The following EAF1 variants were observed in gnomAD, a reference collection of about 807,000 sequenced individuals.
The protein encoded by EAF1 is ELL-associated factor 1.
In EAF1, 19 loss-of-function variants were observed where a neutral mutation model predicts 26.6. That is an observed-to-expected ratio of 0.71 (90% confidence interval 0.50 to 1.05). The LOEUF (loss-of-function observed/expected upper bound fraction) is 1.05. Among genes scored for constraint, EAF1 ranks in the 50% least tolerant of loss-of-function variants. The pLI, the probability that EAF1 is intolerant of heterozygous loss-of-function variation, is 0.00. For missense variants in EAF1, 260 were observed against 335.5 expected, an observed-to-expected ratio of 0.78 and a Z score of 1.76; for synonymous variants, 102 against 120.6, an observed-to-expected ratio of 0.85 and a Z score of 1.01.
In EAF1 at chr3:15,442,400, G is replaced by C. The variant is rs1453611213; in HGVS notation, c.*3245G>C. 1 of 152,536 alleles carries C rather than the reference G, an allele frequency of 6.6e-6. No homozygotes were observed. 9.4% of individuals were successfully genotyped at this position (152,536 alleles called of 1,614,324 possible). A position where few individuals can be genotyped will look rare whatever the true frequency, so the allele number is the denominator to read the frequency against. ...GAAGACAAGACCAATTGAAGAGTTA[G>C]GAAATGTGAGTTTTTGTTACTTCTG... On this transcript the variant is annotated 3_prime_UTR_variant, in exon 6 of 6. Coordinates refer to ENST00000396842, the MANE Select transcript of EAF1 (RefSeq NM_033083.7).
rs1367934961 is a variant in EAF1, at chr3:15,441,947, G to GA, written c.*2792_*2793insA. Reference sequence around the variant, plus strand: ...TGCTGTACAATGTCTACTGTACTGTGGGTCATTTAGATGAGATGAAAAACT... The same window carrying GA: ...TGCTGTACAATGTCTACTGTACTGTGAGGTCATTTAGATGAGATGAAAAACT... On this transcript the variant is annotated 3_prime_UTR_variant, in exon 6 of 6. Coordinates refer to ENST00000396842, the MANE Select transcript of EAF1 (RefSeq NM_033083.7). 1 of 152,544 alleles carries GA rather than the reference G, an allele frequency of 6.6e-6. No homozygotes were observed. Among genetic ancestry groups the GA allele is most frequent in the African/African-American group, 2.4e-5 (1 of 41,424 alleles). 9.4% of individuals were successfully genotyped at this position (152,544 alleles called of 1,614,324 possible). A position where few individuals can be genotyped will look rare whatever the true frequency, so the allele number is the denominator to read the frequency against.
chr3:15,428,887 G>A (rs1160477214), intron 1 of EAF1, among the ~76,000 whole-genome samples: 2 of 152,208 alleles, frequency 1.3e-5, no homozygotes, highest in African/African-American at 4.8e-5. Flanking sequence ...CCATCTTTGT[G>A]TAGTCACTTG....
At chr3:15,429,547 A>G (rs1341611422) in intron 1 of EAF1, among the ~76,000 whole-genome samples, 1 of 152,096 alleles carries the variant, frequency 6.6e-6, no homozygotes, top group Non-Finnish European at 1.5e-5. Flanking sequence ...TGATGAGACA[A>G]TTTTCCTCTC....
Position 15,440,999 on chromosome 3 carries a change from C to T in EAF1, c.*1844C>T, listed in dbSNP as rs927418896. On this transcript the variant is annotated 3_prime_UTR_variant, in exon 6 of 6. Coordinates refer to ENST00000396842, the MANE Select transcript of EAF1 (RefSeq NM_033083.7). ...TCTATTTAAGCCTCTCTCTCTTTCT[C>T]TCCTCCCCAACTTTTTTCTGAAAGC... The T allele has an allele frequency of 1.3e-5, 2 of 152,592 alleles. No homozygotes were observed. Among genetic ancestry groups the T allele is most frequent in the Non-Finnish European group, 2.9e-5 (2 of 68,036 alleles). 9.5% of individuals were successfully genotyped at this position (152,592 alleles called of 1,614,324 possible). A position where few individuals can be genotyped will look rare whatever the true frequency, so the allele number is the denominator to read the frequency against.
intron 5 of EAF1, 109 bp downstream of exon 5, chr3:15,436,684 C>G (rs1176811518): frequency 1.1e-6 from 1 of 936,066 alleles, no homozygotes; most frequent in African/African-American, 1.6e-5. Context: ...GGGAGAGGAT[C>G]TTGTTAAAAA....
rs1464644142 is a variant in EAF1, at chr3:15,436,408, C to CA, written c.593_594insA (p.Glu199Ter). 1.9e-6 allele frequency: 3 copies of CA among 1,613,898 alleles called. No homozygotes were observed. The highest frequency in any genetic ancestry group is 2.5e-6 in the Non-Finnish European group (3 of 1,179,874). ...AGCAGTGGGAGCAGCTCTTCAGACT[C>CA]TGAGAGCTCTTCGGGAAGTGATGAC... On this transcript the variant is annotated frameshift_variant, in exon 5 of 6. Coordinates refer to ENST00000396842, the MANE Select transcript of EAF1 (RefSeq NM_033083.7). LOFTEE classifies it high-confidence loss of function.
At chr3:15,439,077 T>G (rs370716060) in intron 5 of EAF1, 32 bp from the exon 6 acceptor site, 1 of 1,585,214 alleles carries the variant, frequency 6.3e-7, no homozygotes, top group East Asian at 2.3e-5. Context: ...TGTTTGATTC[T>G]ATGATTTTAC....
At chr3:15,431,798 T>G (rs1286313959) in intron 2 of EAF1, among the ~76,000 whole-genome samples, 1 of 152,246 alleles carries the variant, frequency 6.6e-6, no homozygotes, top group African/African-American at 2.4e-5. Context: ...CTTAGTATAA[T>G]GAAAGTAATG....
chr3:15,437,246 C>CTTTT (rs71045159), intron 5 of EAF1, among the ~76,000 whole-genome samples: 1 of 120,452 alleles, frequency 8.3e-6, no homozygotes, highest in Non-Finnish European at 1.7e-5. Flanking sequence ...AGTGTGGTGG[C>CTTTT]TTTTTTTTTT....
At chr3:15,430,028 T>G in intron 2 of EAF1, 21 bp downstream of exon 2, 1 of 1,489,870 alleles carries the variant, frequency 6.7e-7, no homozygotes, top group Non-Finnish European at 9.2e-7. Context: ...TTCATTTTTT[T>G]TTTTAATGTA....
Position 15,427,869 on chromosome 3 carries a change from C to T in EAF1, c.90C>T (p.Phe30=), listed in dbSNP as rs1295803805. 20 of 1,549,364 alleles carry T rather than the reference C, an allele frequency of 1.3e-5. No individual in the cohort carries two copies. Among genetic ancestry groups the T allele is most frequent in the Non-Finnish European group, 1.7e-5 (19 of 1,145,846 alleles). Residue 30 remains phenylalanine, a synonymous_variant, in exon 1 of 6, where the codon TTC becomes TTT. Transcript: ENST00000396842. ...ESFEKRPRAS[F]HTIRYDFKPA... is the part of the protein sequence containing the mutation. ...TCGAGAAGCGGCCGCGGGCCTCCTT[C>T]CACACTATTCGTTGTAAGTCAGCGC...
Position 15,427,802 on chromosome 3 carries a change from T to C in EAF1, c.23T>C (p.Leu8Pro). The C allele has an allele frequency of 1.9e-6, 3 of 1,551,436 alleles. No homozygotes were observed. The South Asian group carries it at 3.6e-5, about 18-fold the overall frequency. Residue 8 changes from leucine (L) to proline (P), a missense_variant, in exon 1 of 6, where the codon CTG becomes CCG. By Grantham distance (98) the Leu-to-Pro change is moderately conservative. Coordinates refer to ENST00000396842, the MANE Select transcript of EAF1 (RefSeq NM_033083.7). MNGTANPLLDREEHCLRL... is the reference protein window; with the variant it reads MNGTANPPLDREEHCLRL... ...GCCATGAATGGGACCGCAAACCCGC[T>C]GCTGGACCGCGAGGAACATTGCCTG...
intron 2 of EAF1, 131 bp from the exon 3 acceptor site, chr3:15,431,955 GA>G: frequency 9.6e-7 from 1 of 1,039,358 alleles, no homozygotes; most frequent in Non-Finnish European, 1.3e-6. Context: ...AGATAAAATA[GA>G]AATCAGTTCA....
chr3:15,427,721 G>T lies in EAF1; in HGVS notation c.-59G>T. ...GTCCTCCCAGACGCCAGCGCCAGAAGCTCGGATCGCGGCTGCACCGGGAGA... is the reference window on the plus strand; with the variant it reads ...GTCCTCCCAGACGCCAGCGCCAGAATCTCGGATCGCGGCTGCACCGGGAGA... On this transcript the variant is annotated 5_prime_UTR_variant, in exon 1 of 6. Transcript: ENST00000396842. The T allele has an allele frequency of 1.3e-6, 2 of 1,516,032 alleles. No individual in the cohort carries two copies. Among genetic ancestry groups the T allele is most frequent in the East Asian group, 2.5e-5 (1 of 40,548 alleles). 93.9% of individuals were successfully genotyped at this position (1,516,032 alleles called of 1,614,324 possible). A position where few individuals can be genotyped will look rare whatever the true frequency, so the allele number is the denominator to read the frequency against.
At chr3:15,436,312 T>C in intron 4 of EAF1, 30 bp from the exon 5 acceptor site, 1 of 1,555,836 alleles carries the variant, frequency 6.4e-7, no homozygotes, top group Non-Finnish European at 8.8e-7. Flanking sequence ...AGGGCTGCTG[T>C]GCTGATCCAT....
Position 15,441,477 on chromosome 3 carries a change from G to A in EAF1, c.*2322G>A, listed in dbSNP as rs2061869457. 2.3e-5 allele frequency: 3 copies of A among 132,722 alleles called. No homozygotes were observed. In the South Asian group the frequency reaches 7.5e-4, roughly 33 times the overall value. The allele number at this position is 132,722 out of a possible 1,614,324, so 8.2% of individuals were successfully genotyped here. A position where few individuals can be genotyped will look rare whatever the true frequency, so the allele number is the denominator to read the frequency against. On this transcript the variant is annotated 3_prime_UTR_variant, in exon 6 of 6. Coordinates refer to ENST00000396842, the MANE Select transcript of EAF1 (RefSeq NM_033083.7). ...TCAACCCACATGGAGTGCCCTGTGTGTACATACTGACCTTTTTTTTTTTTT... is the reference window on the plus strand; with the variant it reads ...TCAACCCACATGGAGTGCCCTGTGTATACATACTGACCTTTTTTTTTTTTT...
intron 5 of EAF1, among the ~76,000 whole-genome samples, chr3:15,437,189 C>G (rs1283778350): frequency 3.3e-5 from 5 of 151,402 alleles, no homozygotes; most frequent in African/African-American, 4.9e-5. Flanking sequence ...AACCACCATG[C>G]CTGCCTATCT....
intron 2 of EAF1, among the ~76,000 whole-genome samples, chr3:15,431,553 G>C (rs1475616414): frequency 6.6e-6 from 1 of 152,204 alleles, no homozygotes; most frequent in Non-Finnish European, 1.5e-5. Flanking sequence ...GGTAGTGCAA[G>C]GCCAAGTGGC....
chr3:15,435,344 A>G lies in EAF1; in HGVS notation c.526+806A>G, dbSNP rs150989958. Among the ~76,000 whole-genome samples the G allele has an allele frequency of 8.5e-5, 13 of 152,334 alleles. No homozygotes were observed. The East Asian group carries it at 2.5e-3, about 29-fold the overall frequency. On this transcript the variant is annotated intron_variant, in intron 4 of 5. Transcript: ENST00000396842. The stretch of plus-strand genomic sequence containing the variant: ...TTGTGAGGTCATATTTCATATTTAT[A>G]AGTTTTATAAAATAACTAAATCCAT...
Sources: allele counts gnomAD v4.1 joint callset (sites outside exome capture counted in the v4.1 genomes callset), GRCh38; gene constraint gnomAD v4.1.1; transcripts MANE v1.5; gene names NCBI Gene and HGNC (gene_info 2026-07-23, HGNC 2026-07-21).